The following HPSE2 variants were observed in gnomAD, a reference collection of about 807,000 sequenced individuals.
HPSE2 encodes inactive heparanase-2.
HPSE2 carries 38 observed loss-of-function variants against 60.5 expected under a neutral mutation model. The observed-to-expected ratio is 0.63, with a 90% CI of 0.48 to 0.82. The LOEUF (loss-of-function observed/expected upper bound fraction) is 0.82, where lower values mean the gene tolerates loss of function less well. Among genes scored for constraint, HPSE2 ranks in the 40% least tolerant of loss-of-function variants. The pLI, the probability that HPSE2 is intolerant of heterozygous loss-of-function variation, is 0.00. For synonymous variants in HPSE2, 295 were observed against 293.2 expected, an observed-to-expected ratio of 1.01 and a Z score of -0.06; for missense variants, 713 against 740.4, an observed-to-expected ratio of 0.96 and a Z score of 0.43.
intron 3 of HPSE2, among the ~76,000 whole-genome samples, chr10:98,987,963 A>G (rs1589471220): frequency 6.6e-6 from 1 of 152,202 alleles, no homozygotes; most frequent in South Asian, 2.1e-4. Context: ...CTTCAAGGAG[A>G]ACTACAAACC....
In HPSE2 at chr10:98,797,991, T is replaced by C. The variant is rs111798543; in HGVS notation, c.611-53935A>G. ...AGAAGGTTATTGAACACCAAGCAGGTTTATCTCAAAGAAGACTAACTCAAG... is the reference window on the plus strand; with the variant it reads ...AGAAGGTTATTGAACACCAAGCAGGCTTATCTCAAAGAAGACTAACTCAAG... On this transcript the variant is annotated intron_variant, in intron 3 of 11. Coordinates refer to ENST00000370552, the MANE Select transcript of HPSE2 (RefSeq NM_021828.5). Among the ~76,000 whole-genome samples the C allele has an allele frequency of 3.6e-3, 542 of 152,118 alleles. 3 individuals carry two copies. The highest frequency in any genetic ancestry group is 6.7e-3 in the Non-Finnish European group (458 of 68,002).
At chr10:98,545,409 A>C (rs912054206) in intron 9 of HPSE2, among the ~76,000 whole-genome samples, 11 of 152,320 alleles carry the variant, frequency 7.2e-5, no homozygotes, top group African/African-American at 2.6e-4. Context: ...TCCTCAATAA[A>C]ATACTGGCAA....
chr10:98,690,322 C>T lies in HPSE2; in HGVS notation c.1004+3578G>A, dbSNP rs372290067. Among the ~76,000 whole-genome samples the T allele has an allele frequency of 2.6e-5, 4 of 152,118 alleles. No individual in the cohort carries two copies. In the East Asian group the frequency reaches 5.8e-4, roughly 22 times the overall value. On this transcript the variant is annotated intron_variant, in intron 6 of 11. Transcript: ENST00000370552. ...TTGGGAGGCCAAGGCGGGTGGATCA[C>T]GAGGTCAGGAGATCAAGACCATCCT...
chr10:99,229,979 C>T (rs1462067873), intron 2 of HPSE2, among the ~76,000 whole-genome samples: 1 of 152,140 alleles, frequency 6.6e-6, no homozygotes, highest in Non-Finnish European at 1.5e-5. Context: ...CATGCAACAA[C>T]AAAGACAGTA....
chr10:99,003,964 G>C (rs1956834580), intron 3 of HPSE2, among the ~76,000 whole-genome samples: 1 of 151,930 alleles, frequency 6.6e-6, no homozygotes, highest in South Asian at 2.1e-4. Flanking sequence ...GTTGATTTTT[G>C]TATATGTTGT....
intron 3 of HPSE2, among the ~76,000 whole-genome samples, chr10:98,992,469 G>C (rs193185830): frequency 2.3e-4 from 35 of 152,264 alleles, no homozygotes; most frequent in African/African-American, 8.4e-4. Flanking sequence ...GGGAAGCTGA[G>C]GCCATGAGGG....
Position 98,694,882 on chromosome 10 carries a change from G to A in HPSE2, c.957-935C>T, listed in dbSNP as rs980369543. On this transcript the variant is annotated intron_variant, in intron 5 of 11. Transcript: ENST00000370552. ...CTCTTTAAGACATTCCTTTCAGTCC[G>A]GACACCCTGGTGGGGAACTTTTCTT... Among the ~76,000 whole-genome samples, 9 of 152,170 alleles carry A rather than the reference G, an allele frequency of 5.9e-5. No homozygotes were observed. The South Asian group carries it at 8.3e-4, about 14-fold the overall frequency.
the HPSE2 span, among the ~76,000 whole-genome samples, chr10:99,307,580 T>A: frequency 6.6e-6 from 1 of 152,164 alleles, no homozygotes; most frequent in African/African-American, 2.4e-5. Context: ...TTCTGCTGGC[T>A]AGGCCTCTGC....
intron 3 of HPSE2, among the ~76,000 whole-genome samples, chr10:98,944,715 T>C (rs1344786553): frequency 6.6e-6 from 1 of 152,166 alleles, no homozygotes; most frequent in East Asian, 1.9e-4. Context: ...TGGCCTAACA[T>C]TATCACAATG....
intron 3 of HPSE2, among the ~76,000 whole-genome samples, chr10:99,109,471 C>A (rs1844374370): frequency 1.3e-5 from 2 of 152,012 alleles, no homozygotes; most frequent in Non-Finnish European, 2.9e-5. Flanking sequence ...AGAGTCATTC[C>A]CAACTAGCAC....
intron 3 of HPSE2, among the ~76,000 whole-genome samples, chr10:99,049,254 A>C (rs1417332293): frequency 6.6e-6 from 1 of 152,214 alleles, no homozygotes; most frequent in African/African-American, 2.4e-5. Flanking sequence ...TCTATACTCT[A>C]TGCCATTGAT....
At chr10:98,498,177 T>G (rs557931536) in intron 9 of HPSE2, among the ~76,000 whole-genome samples, 1 of 152,214 alleles carries the variant, frequency 6.6e-6, no homozygotes, top group African/African-American at 2.4e-5. Context: ...TAGCTCCAGA[T>G]CAACTGCAAG....
intron 3 of HPSE2, among the ~76,000 whole-genome samples, chr10:98,944,057 A>T (rs1955105079): frequency 6.6e-6 from 1 of 152,216 alleles, no homozygotes; most frequent in South Asian, 2.1e-4. Context: ...GATAGGGTTG[A>T]GGACCAAAAT....
At chr10:98,572,327 T>C (rs866132174) in intron 9 of HPSE2, among the ~76,000 whole-genome samples, 5 of 152,356 alleles carry the variant, frequency 3.3e-5, no homozygotes, top group Middle Eastern at 3.4e-3. Flanking sequence ...GGAGAGATAC[T>C]ATAATTGATG....
intron 5 of HPSE2, among the ~76,000 whole-genome samples, chr10:98,709,960 G>A (rs1314554737): frequency 1.3e-5 from 2 of 152,160 alleles, no homozygotes; most frequent in Non-Finnish European, 2.9e-5. Flanking sequence ...ACTTTAATAA[G>A]AGCATAGTAG....
At chr10:98,644,690 T>G (rs1331064388) in intron 6 of HPSE2, among the ~76,000 whole-genome samples, 1 of 152,228 alleles carries the variant, frequency 6.6e-6, no homozygotes, top group Non-Finnish European at 1.5e-5. Flanking sequence ...AAAGCTCTTC[T>G]GACATGGTGC....
chr10:98,891,697 C>T (rs1953340656), intron 3 of HPSE2, among the ~76,000 whole-genome samples: 1 of 152,114 alleles, frequency 6.6e-6, no homozygotes, highest in Admixed American at 6.6e-5. Flanking sequence ...CTCAAGTGAT[C>T]CTCCCAGCTC....
intron 3 of HPSE2, among the ~76,000 whole-genome samples, chr10:98,800,367 CA>C (rs975111625): frequency 6.8e-5 from 10 of 146,618 alleles, no homozygotes; most frequent in African/African-American, 1.2e-4. Context: ...GACCCTATCT[CA>C]AAAAAAATAT....
intron 3 of HPSE2, among the ~76,000 whole-genome samples, chr10:98,828,964 C>T (rs1436897578): frequency 1.7e-5 from 2 of 118,522 alleles, no homozygotes; most frequent in Non-Finnish European, 3.5e-5. Context: ...GTGTCATAGG[C>T]AGATGAATGA....
Sources: gnomAD v4.1 joint callset for allele counts (sites outside exome capture counted in the v4.1 genomes callset) on GRCh38, gnomAD v4.1.1 for gene constraint, MANE v1.5 for transcripts, NCBI Gene and HGNC (gene_info 2026-07-23, HGNC 2026-07-21) for gene names.